TPD52: variants seen among roughly 807,000 people sequenced by gnomAD.
The protein encoded by TPD52 is prostate and colon associated protein.
A neutral mutation model predicts 31.3 loss-of-function variants in TPD52; 17 were observed. The ratio of observed to expected loss-of-function variants is 0.54; its 90% CI spans 0.37 to 0.82. The LOEUF (loss-of-function observed/expected upper bound fraction) is 0.82. Ranked by LOEUF, TPD52 falls within the 40% of genes least tolerant of loss-of-function variation. The pLI is 0.00. For missense variants in TPD52, 212 were observed against 240.1 expected (o/e 0.88, Z 0.77); for synonymous variants, 83 against 89.6 (o/e 0.93, Z 0.42).
intron 2 of TPD52, among the ~76,000 whole-genome samples, chr8:80,058,426 A>C (rs1812132744): frequency 6.6e-6 from 1 of 152,262 alleles, no homozygotes; most frequent in Admixed American, 6.5e-5. Context: ...GTTGCACAAG[A>C]GTATATTGGC....
At chr8:80,171,358 G>T in intron 1 of TPD52, 67 bp downstream of exon 1, 1 of 1,580,532 alleles carries the variant, frequency 6.3e-7, no homozygotes, top group Non-Finnish European at 8.6e-7. Context: ...GCCCCGCGCC[G>T]AGCCAAAGCC....
chr8:80,122,194 TCAAAA>T (rs1808306812), intron 1 of TPD52, among the ~76,000 whole-genome samples: 1 of 152,032 alleles, frequency 6.6e-6, no homozygotes, highest in Non-Finnish European at 1.5e-5. Context: ...ACGTCACATC[TCAAAA>T]CAAAACAGAA....
chr8:80,107,947 T>A (rs4740110), intron 1 of TPD52, among the ~76,000 whole-genome samples: 1 of 151,950 alleles, frequency 6.6e-6, no homozygotes, highest in East Asian at 1.9e-4. Flanking sequence ...GAGGAAAATG[T>A]GCAGTAAAAA....
intron 1 of TPD52, among the ~76,000 whole-genome samples, chr8:80,134,368 T>C (rs1809242933): frequency 1.3e-5 from 2 of 152,228 alleles, no homozygotes; most frequent in South Asian, 2.1e-4. Flanking sequence ...AAAACATTCA[T>C]ATAGTACCTA....
chr8:80,162,977 G>C (rs780795567), intron 1 of TPD52, among the ~76,000 whole-genome samples: 45 of 151,902 alleles, frequency 3.0e-4, no homozygotes, highest in Non-Finnish European at 6.3e-4. Context: ...GGGAAATAAC[G>C]AGTGTTGATA....
intron 1 of TPD52, among the ~76,000 whole-genome samples, chr8:80,124,393 G>A (rs572997163): frequency 6.6e-6 from 1 of 152,054 alleles, no homozygotes; most frequent in Admixed American, 6.5e-5. Context: ...AGCTAGTCTC[G>A]AACTCCTGGG....
At position 80,064,522 on chromosome 8, in the gene TPD52, G is replaced by C. The variant is rs1440998419; in HGVS notation, c.91C>G (p.Leu31Val). 1 of 1,614,168 alleles carries C rather than the reference G, an allele frequency of 6.2e-7. No individual in the cohort carries two copies. Among genetic ancestry groups the C allele is most frequent in the South Asian group, 1.1e-5 (1 of 91,078 alleles). Residue 31 changes from leucine to valine, a missense_variant, in exon 2 of 8, where the codon CTC becomes GTC. Physicochemically the swap from Leu to Val is conservative, Grantham distance 32. Coordinates refer to ENST00000518937, the MANE Select transcript of TPD52 (RefSeq NM_001025253.3). ...AGCTCTTCCTGCTCCTCTTCCGAGA[G>C]GGTCTCTGTGGCACTGATCGTGGCA... ...VAATISATET[L>V]SEEEQEELRR...
At chr8:80,092,553 T>C (rs1006249802) in intron 1 of TPD52, among the ~76,000 whole-genome samples, 4 of 152,094 alleles carry the variant, frequency 2.6e-5, no homozygotes, top group South Asian at 2.1e-4. Flanking sequence ...ATAAAGAAAA[T>C]TGTGGTATAT....
At chr8:80,144,798 G>A (rs899475020) in intron 1 of TPD52, among the ~76,000 whole-genome samples, 1 of 151,912 alleles carries the variant, frequency 6.6e-6, no homozygotes, top group Admixed American at 6.6e-5. Flanking sequence ...CATGGTATTC[G>A]GTGTGCATTC....
chr8:80,060,051 C>T (rs1812345730), intron 2 of TPD52, among the ~76,000 whole-genome samples: 2 of 147,192 alleles, frequency 1.4e-5, no homozygotes, highest in East Asian at 2.0e-4. Context: ...CACTGCACTC[C>T]AGCCACCTGG....
intron 1 of TPD52, chr8:80,080,832 G>T: frequency 1.2e-6 from 1 of 857,562 alleles, no homozygotes; most frequent in Non-Finnish European, 1.4e-6. Context: ...TCAGACACTG[G>T]CTGACTTACA....
intron 1 of TPD52, among the ~76,000 whole-genome samples, chr8:80,155,786 G>A (rs1300598078): frequency 6.6e-6 from 1 of 151,950 alleles, no homozygotes; most frequent in African/African-American, 2.4e-5. Context: ...GAGAGGCTGA[G>A]GCAGGAGAAT....
At chr8:80,132,893 G>A (rs1326462369) in intron 1 of TPD52, among the ~76,000 whole-genome samples, 2 of 152,188 alleles carry the variant, frequency 1.3e-5, no homozygotes, top group Non-Finnish European at 2.9e-5. Flanking sequence ...AGGGGCAAAA[G>A]GTTACCTGGA....
chr8:80,166,862 C>T (rs540614532), intron 1 of TPD52, among the ~76,000 whole-genome samples: 170 of 152,034 alleles, frequency 1.1e-3, no homozygotes, highest in Middle Eastern at 3.4e-3. Context: ...GCCGAGATCA[C>T]GCCACTGCAC....
Position 80,116,418 on chromosome 8 carries a change from A to C in TPD52, c.20-51825T>G, listed in dbSNP as rs2131005377. ...GATTGGTTAGCTTAGATGAAATGAC[A>C]AATTCCTAGAAAGACACAAAATCCT... On this transcript the variant is annotated intron_variant, in intron 1 of 7. Coordinates refer to ENST00000518937, the MANE Select transcript of TPD52 (RefSeq NM_001025253.3). Among the ~76,000 whole-genome samples the C allele has an allele frequency of 1.3e-5, 2 of 152,358 alleles. 1 individual carries two copies.
At chr8:80,060,469 TA>T (rs909212956) in intron 2 of TPD52, among the ~76,000 whole-genome samples, 3 of 152,056 alleles carry the variant, frequency 2.0e-5, no homozygotes, top group Non-Finnish European at 4.4e-5. Context: ...CAAACTCTTC[TA>T]AAAAACCAGA....
chr8:80,109,142 A>G lies in TPD52; in HGVS notation c.20-44549T>C, dbSNP rs139672897. ...GTTCCCAGCAGACCCAGGAACCTCAAGATATTTGGGGGACCTTACGAGAAG... is the reference window on the plus strand; with the variant it reads ...GTTCCCAGCAGACCCAGGAACCTCAGGATATTTGGGGGACCTTACGAGAAG... On this transcript the variant is annotated intron_variant, in intron 1 of 7. Coordinates refer to ENST00000518937, the MANE Select transcript of TPD52 (RefSeq NM_001025253.3). Among the ~76,000 whole-genome samples the G allele has an allele frequency of 2.8e-3, 426 of 152,298 alleles. 4 individuals are homozygous for G. The highest frequency in any genetic ancestry group is 9.6e-3 in the African/African-American group (399 of 41,568).
At chr8:80,064,076 G>A (rs1406414983) in intron 2 of TPD52, among the ~76,000 whole-genome samples, 1 of 151,116 alleles carries the variant, frequency 6.6e-6, no homozygotes. Context: ...GAGGGAAGGA[G>A]GGAGCTGGAA....
In TPD52 at chr8:80,053,541, A is replaced by ATT. The variant is rs1811577047; in HGVS notation, c.136-113_136-112dup. 1.1e-5 allele frequency: 13 copies of ATT among 1,168,238 alleles called. No individual in the cohort carries two copies. The South Asian group carries it at 1.8e-4, about 16-fold the overall frequency. 72.4% of individuals were successfully genotyped at this position (1,168,238 alleles called of 1,614,324 possible). On this transcript the variant is annotated intron_variant, in intron 2 of 7. Coordinates refer to ENST00000518937, the MANE Select transcript of TPD52 (RefSeq NM_001025253.3). ...CAGTCATTAAACATTTTTTTGAATC[A>ATT]TTTATCTTTCTCTCTAAAAACAATG...
Sources: gnomAD v4.1 joint callset for allele counts (sites outside exome capture counted in the v4.1 genomes callset) on GRCh38, gnomAD v4.1.1 for gene constraint, MANE v1.5 for transcripts, NCBI Gene and HGNC (gene_info 2026-07-23, HGNC 2026-07-21) for gene names.